SLC7A9: variants seen among roughly 807,000 people sequenced by gnomAD.
The protein encoded by SLC7A9 is B(0,+)-type amino acid transporter 1.
A neutral mutation model predicts 54.1 loss-of-function variants in SLC7A9; 38 were observed. The observed-to-expected ratio is 0.70, with a 90% CI of 0.54 to 0.92. The LOEUF (loss-of-function observed/expected upper bound fraction) is 0.92. Ranked by LOEUF, SLC7A9 falls within the 40% of genes least tolerant of loss-of-function variation. The pLI, the probability that SLC7A9 is intolerant of heterozygous loss-of-function variation, is 0.00. For missense variants in SLC7A9, 537 were observed against 636.1 expected (o/e 0.84, Z 1.68); for synonymous variants, 264 against 258.9 (o/e 1.02, Z -0.19).
chr19:32,831,198 C>G (rs374305839), intron 12 of SLC7A9: 1 of 92,344 alleles, frequency 1.1e-5, no homozygotes, highest in Non-Finnish European at 2.3e-5. Context: ...ACTAAAAATA[C>G]AAAAAAAAAA....
intron 1 of SLC7A9, among the ~76,000 whole-genome samples, chr19:32,868,857 A>G (rs886710144): frequency 6.6e-6 from 1 of 152,074 alleles, no homozygotes; most frequent in African/African-American, 2.4e-5. Context: ...TGTGCCTTGA[A>G]AGTCATTCTA....
intron 9 of SLC7A9, among the ~76,000 whole-genome samples, chr19:32,852,614 A>T (rs773631863): frequency 6.6e-6 from 1 of 152,198 alleles, no homozygotes; most frequent in African/African-American, 2.4e-5. Flanking sequence ...TTACAACTAC[A>T]TATCTTAACT....
chr19:32,850,821 C>T (rs1378810812), intron 9 of SLC7A9, among the ~76,000 whole-genome samples: 1 of 152,168 alleles, frequency 6.6e-6, no homozygotes, highest in Non-Finnish European at 1.5e-5. Flanking sequence ...GGTACCAAAA[C>T]AGAGAGATAC....
intron 11 of SLC7A9, among the ~76,000 whole-genome samples, chr19:32,833,893 A>AT (rs1396211451): frequency 2.0e-5 from 3 of 152,034 alleles, no homozygotes; most frequent in Non-Finnish European, 4.4e-5. Flanking sequence ...CAAAATGGTG[A>AT]TTTTTCTAAT....
chr19:32,863,902 G>T (rs1968880640), intron 4 of SLC7A9, among the ~76,000 whole-genome samples, 194 bp downstream of exon 4: 1 of 152,186 alleles, frequency 6.6e-6, no homozygotes, highest in Non-Finnish European at 1.5e-5. Context: ...AGGACAGCCA[G>T]CGGCACCCCT....
intron 9 of SLC7A9, among the ~76,000 whole-genome samples, chr19:32,850,538 C>G (rs1231379781): frequency 1.8e-4 from 28 of 151,512 alleles, no homozygotes; most frequent in East Asian, 5.8e-4. Context: ...AGGATACAAA[C>G]AAATGGAAGA....
intron 9 of SLC7A9, among the ~76,000 whole-genome samples, chr19:32,855,267 G>A (rs1182356987): frequency 6.6e-6 from 1 of 152,152 alleles, no homozygotes; most frequent in Non-Finnish European, 1.5e-5. Context: ...GAGTCAGGCT[G>A]GTGGGACCAA....
At chr19:32,860,126 C>T (rs746666570) in intron 7 of SLC7A9, 162 bp from the exon 8 acceptor site, 3 of 1,543,210 alleles carry the variant, frequency 1.9e-6, no homozygotes, top group Non-Finnish European at 2.6e-6. Flanking sequence ...TCTCAGACTC[C>T]AGAGCAGTTC....
At chr19:32,868,095 G>A (rs1196439132) in intron 2 of SLC7A9, among the ~76,000 whole-genome samples, 1 of 151,686 alleles carries the variant, frequency 6.6e-6, no homozygotes, top group Non-Finnish European at 1.5e-5. Flanking sequence ...GCCGGGTATG[G>A]TGGCGGGTGC....
Position 32,862,191 on chromosome 19 carries a change from A to C in SLC7A9, c.631T>G (p.Phe211Val). 1 of 1,613,900 alleles carries C rather than the reference A, an allele frequency of 6.2e-7. No individual in the cohort carries two copies. The highest frequency in any genetic ancestry group is 1.7e-4 in the Middle Eastern group (1 of 6,056). ...QGNTKNFDNS[F>V]EGAQLSVGAI... The stretch of plus-strand genomic sequence containing the variant: ...CCCACAGACAGCTGGGCGCCCTCGA[A>C]AGAATTATCAAAATTCTTTGTGTTT... The change falls in exon 6 of 13, where the codon TTC becomes GTC. Residue 211 changes from phenylalanine to valine, a missense_variant. Transcript: ENST00000023064.
intron 6 of SLC7A9, among the ~76,000 whole-genome samples, chr19:32,861,910 C>A (rs1444504145): frequency 1.3e-5 from 2 of 152,098 alleles, no homozygotes; most frequent in African/African-American, 4.8e-5. Context: ...GGGTTCTACA[C>A]AGAGCACTCT....
At chr19:32,833,680 C>T (rs542874065) in intron 11 of SLC7A9, among the ~76,000 whole-genome samples, 1 of 152,130 alleles carries the variant, frequency 6.6e-6, no homozygotes, top group South Asian at 2.1e-4. Context: ...TGCCTGTAAT[C>T]CCAGCTCCTC....
At chr19:32,854,869 T>G (rs1968572103) in intron 9 of SLC7A9, among the ~76,000 whole-genome samples, 1 of 152,222 alleles carries the variant, frequency 6.6e-6, no homozygotes, top group African/African-American at 2.4e-5. Context: ...ATTACAGGCG[T>G]GAGCCACTGC....
intron 1 of SLC7A9, 101 bp downstream of exon 1, chr19:32,869,585 G>A (rs1227714377): frequency 2.0e-5 from 3 of 152,150 alleles, no homozygotes; most frequent in African/African-American, 4.8e-5. Context: ...TGAACTAGGA[G>A]AAAACCATGC....
In SLC7A9 at chr19:32,862,117, C is replaced by G; in HGVS notation, c.704+1G>C. ...ACTCGGGACATCTCAGGACACCTCA[C>G]CATCCATCATAGGCCCAGAGTCCAT... On this transcript the variant is annotated splice_donor_variant, in intron 6 of 12. Transcript: ENST00000023064. LOFTEE classifies it high-confidence loss of function. 6.2e-7 allele frequency: 1 copy of G among 1,602,304 alleles called. No homozygotes were observed.
intron 1 of SLC7A9, 71 bp from the exon 2 acceptor site, chr19:32,868,716 G>A: frequency 1.5e-6 from 1 of 667,332 alleles, no homozygotes; most frequent in Non-Finnish European, 2.7e-6. Flanking sequence ...TCATGCGCTG[G>A]GCCCCAGAGT....
chr19:32,834,111 T>C (rs1381960970), intron 11 of SLC7A9, among the ~76,000 whole-genome samples: 1 of 152,068 alleles, frequency 6.6e-6, no homozygotes, highest in African/African-American at 2.4e-5. Flanking sequence ...GTTGTAGTCA[T>C]TGTTCACGTT....
chr19:32,851,561 A>C (rs1968467146), intron 9 of SLC7A9, among the ~76,000 whole-genome samples: 1 of 151,574 alleles, frequency 6.6e-6, no homozygotes, highest in African/African-American at 2.4e-5. Context: ...GAACACTTTT[A>C]CACTGTTGGT....
At chr19:32,858,127 G>A (rs1035542310) in intron 9 of SLC7A9, among the ~76,000 whole-genome samples, 3 of 152,158 alleles carry the variant, frequency 2.0e-5, no homozygotes, top group Non-Finnish European at 2.9e-5. Flanking sequence ...CCTCATTCAC[G>A]CGGTGTCGCT....
Sources: gnomAD v4.1 joint callset for allele counts (sites outside exome capture counted in the v4.1 genomes callset) on GRCh38, gnomAD v4.1.1 for gene constraint, MANE v1.5 for transcripts, NCBI Gene and HGNC (gene_info 2026-07-23, HGNC 2026-07-21) for gene names.